Variants in CDH13 observed in about 807,000 individuals in gnomAD.
The protein encoded by CDH13 is cadherin 13.
CDH13 carries 24 observed loss-of-function variants against 63.8 expected under a neutral mutation model. The ratio of observed to expected loss-of-function variants is 0.38; its 90% CI spans 0.27 to 0.53. The LOEUF (loss-of-function observed/expected upper bound fraction) is 0.53. Ranked by LOEUF, CDH13 falls within the 20% of genes least tolerant of loss-of-function variation. The pLI, the probability that CDH13 is intolerant of heterozygous loss-of-function variation, is 0.85. For missense variants in CDH13, 1,049 were observed against 903.1 expected (o/e 1.16, Z -2.07); for synonymous variants, 503 against 355.3 (o/e 1.42, Z -4.67).
At chr16:83,768,962 C>T (rs912198305) in intron 11 of CDH13, among the ~76,000 whole-genome samples, 1 of 152,200 alleles carries the variant, frequency 6.6e-6, no homozygotes, top group Non-Finnish European at 1.5e-5. Flanking sequence ...AGGTCTCATC[C>T]TCATTTTACC....
At chr16:83,256,100 C>G (rs1906227363) in intron 5 of CDH13, among the ~76,000 whole-genome samples, 1 of 152,198 alleles carries the variant, frequency 6.6e-6, no homozygotes, top group African/African-American at 2.4e-5. Context: ...GTGGCACCAT[C>G]TTTGCTCACT....
intron 5 of CDH13, among the ~76,000 whole-genome samples, chr16:83,291,577 C>G (rs77378326): frequency 0.071 from 10,777 of 151,824 alleles, 550 homozygotes; most frequent in Non-Finnish European, 0.11. Context: ...CAAAAATAAT[C>G]CAAGATAGAA....
In CDH13 at chr16:83,508,887, G is replaced by A. The variant is rs779605931; in HGVS notation, c.960+22232G>A. 3.3e-4 allele frequency among the ~76,000 whole-genome samples: 47 copies of A among 144,226 alleles called. 1 individual carries two copies. Among genetic ancestry groups the A allele is most frequent in the Non-Finnish European group, 2.0e-4 (13 of 64,554 alleles). The allele number at this position is 144,226 out of a possible 152,430, so 94.6% of individuals were successfully genotyped here. On this transcript the variant is annotated intron_variant, in intron 7 of 13. Coordinates refer to ENST00000567109, the MANE Select transcript of CDH13 (RefSeq NM_001257.5). Reference sequence around the variant, plus strand: ...GCACAAGGTACCGTGTAGAGCTGAGGTGTAATGACCCAGCTGATCTGTTTG... The same window carrying A: ...GCACAAGGTACCGTGTAGAGCTGAGATGTAATGACCCAGCTGATCTGTTTG...
intron 4 of CDH13, among the ~76,000 whole-genome samples, chr16:83,201,393 G>A (rs1388056195): frequency 2.0e-5 from 3 of 151,274 alleles, no homozygotes; most frequent in East Asian, 3.9e-4. Flanking sequence ...GGAAGGAAAG[G>A]CACTACTTTC....
intron 1 of CDH13, among the ~76,000 whole-genome samples, chr16:82,689,981 C>CCAAAAAAAAAAAAAA (rs1915472581): frequency 9.3e-4 from 6 of 6,484 alleles, no homozygotes; most frequent in African/African-American, 2.4e-3. Context: ...GCCATCTCTA[C>CCAAAAAAAAAAAAAA]TAAAAAAAAA....
At chr16:83,037,781 C>T (rs1448721733) in intron 3 of CDH13, among the ~76,000 whole-genome samples, 1 of 152,124 alleles carries the variant, frequency 6.6e-6, no homozygotes, top group Non-Finnish European at 1.5e-5. Flanking sequence ...TTCTGCTATG[C>T]CACTTACTCA....
chr16:83,270,580 T>C (rs1597629432), intron 5 of CDH13, among the ~76,000 whole-genome samples: 1 of 152,278 alleles, frequency 6.6e-6, no homozygotes, highest in East Asian at 1.9e-4. Context: ...ACAGCTCACG[T>C]GTAGGTGCAA....
rs554499488 is a variant in CDH13 at position 83,276,160 on chromosome 16, C to G, written c.636+58663C>G. Among the ~76,000 whole-genome samples the G allele has an allele frequency of 2.0e-4, 31 of 152,278 alleles. 1 individual carries two copies. Among genetic ancestry groups the G allele is most frequent in the Admixed American group, 1.8e-3 (28 of 15,302 alleles). On this transcript the variant is annotated intron_variant, in intron 5 of 13. Transcript: ENST00000567109. ...TCTCAGGCTGTTGTCCGAATCCTTT[C>G]AAGGGACAGCCCAATCCATCCCAAT...
At chr16:82,826,201 T>C (rs905542185) in intron 1 of CDH13, 2 of 152,166 alleles carry the variant, frequency 1.3e-5, no homozygotes, top group African/African-American at 4.8e-5. Context: ...GAGATGCCTC[T>C]GATTCTGAAG....
At chr16:82,632,575 G>A (rs141778321) in intron 1 of CDH13, among the ~76,000 whole-genome samples, 24 of 152,200 alleles carry the variant, frequency 1.6e-4, no homozygotes, top group East Asian at 1.6e-3. Flanking sequence ...ATGTCATCAC[G>A]CACCAGCAGC....
chr16:82,967,362 T>C (rs539624023), intron 2 of CDH13, among the ~76,000 whole-genome samples: 24 of 152,206 alleles, frequency 1.6e-4, no homozygotes, highest in Non-Finnish European at 3.1e-4. Flanking sequence ...AATTCTATAA[T>C]GATTTTTTTA....
At chr16:83,745,259 T>G (rs1040643448) in intron 10 of CDH13, among the ~76,000 whole-genome samples, 1 of 152,140 alleles carries the variant, frequency 6.6e-6, no homozygotes, top group Non-Finnish European at 1.5e-5. Flanking sequence ...AGCAGGAGCC[T>G]CTCCTGGCGT....
intron 9 of CDH13, among the ~76,000 whole-genome samples, chr16:83,676,264 G>C (rs1914945794): frequency 6.6e-6 from 1 of 152,228 alleles, no homozygotes; most frequent in African/African-American, 2.4e-5. Context: ...GTCTCCGGCT[G>C]TGGAGAATCA....
chr16:83,736,580 T>A (rs146633156), intron 10 of CDH13, among the ~76,000 whole-genome samples: 1 of 151,928 alleles, frequency 6.6e-6, no homozygotes, highest in Non-Finnish European at 1.5e-5. Context: ...AAGACACTTA[T>A]AAAGTTGTGA....
intron 1 of CDH13, among the ~76,000 whole-genome samples, chr16:82,854,858 A>T (rs1002865589): frequency 2.6e-5 from 4 of 152,182 alleles, no homozygotes; most frequent in Non-Finnish European, 4.4e-5. Context: ...TTTTGAGACC[A>T]TAATTATATT....
chr16:83,779,036 G>A (rs965539977), intron 11 of CDH13, among the ~76,000 whole-genome samples: 1 of 152,226 alleles, frequency 6.6e-6, no homozygotes. Flanking sequence ...AGATTTCAGT[G>A]TGTGAGAATG....
intron 13 of CDH13, among the ~76,000 whole-genome samples, chr16:83,789,347 G>T (rs456518): frequency 0.76 from 104,898 of 137,612 alleles, 40,186 homozygotes; most frequent in Admixed American, 0.8. Context: ...CTTTTTTTTT[G>T]TTTGTCTGTT....
intron 2 of CDH13, among the ~76,000 whole-genome samples, chr16:82,935,114 A>G (rs976862176): frequency 2.0e-5 from 3 of 152,200 alleles, no homozygotes; most frequent in African/African-American, 7.2e-5. Context: ...AAAGTGGTTT[A>G]ATTGACTCAC....
chr16:82,953,401 A>T (rs1905575872), intron 2 of CDH13: 1 of 152,160 alleles, frequency 6.6e-6, no homozygotes, highest in Non-Finnish European at 1.5e-5. Context: ...CTCTTAGGAG[A>T]CCCTGATGGT....
Sources: allele counts gnomAD v4.1 joint callset (sites outside exome capture counted in the v4.1 genomes callset), GRCh38; gene constraint gnomAD v4.1.1; transcripts MANE v1.5; gene names NCBI Gene and HGNC (gene_info 2026-07-23, HGNC 2026-07-21).